VPS35: variants seen among roughly 807,000 people sequenced by gnomAD.
VPS35 encodes the protein VPS35 retromer complex component.
VPS35 carries 21 observed loss-of-function variants against 98.1 expected under a neutral mutation model. The ratio of observed to expected loss-of-function variants is 0.21; its 90% confidence interval spans 0.15 to 0.31. The LOEUF is 0.31. Ranked by LOEUF, VPS35 falls within the 10% of genes least tolerant of loss-of-function variation. The pLI, the probability that VPS35 is intolerant of heterozygous loss-of-function variation, is 1.00. For synonymous variants in VPS35, 268 were observed against 318.2 expected (o/e 0.84, Z 1.68); for missense variants, 554 against 950.8 (o/e 0.58, Z 5.49).
At chr16:46,684,842 T>C (rs1456647917) in intron 1 of VPS35, among the ~76,000 whole-genome samples, 2 of 152,148 alleles carry the variant, frequency 1.3e-5, no homozygotes, top group Admixed American at 6.5e-5. Flanking sequence ...ATACATACAA[T>C]TACAGAATAT....
chr16:46,674,679 C>G lies in VPS35; in HGVS notation c.915-19G>C. The G allele has an allele frequency of 7.1e-7, 1 of 1,417,578 alleles. No homozygotes were observed. Among genetic ancestry groups the G allele is most frequent in the South Asian group, 1.2e-5 (1 of 83,930 alleles). The allele number at this position is 1,417,578 out of a possible 1,614,324, so 87.8% of individuals were successfully genotyped here. A position where few individuals can be genotyped will look rare whatever the true frequency, so the allele number is the denominator to read the frequency against. On this transcript the variant is annotated intron_variant, in intron 8 of 16. Coordinates refer to ENST00000299138, the MANE Select transcript of VPS35 (RefSeq NM_018206.6). ...AGCTAATCTAAAAAAAAAAAAAACA[C>G]CCCTTTATTTTAAAAGATACAGGGT...
At chr16:46,681,760 A>C (rs1966238581) in intron 3 of VPS35, 1 of 548,954 alleles carries the variant, frequency 1.8e-6, no homozygotes, top group South Asian at 2.1e-5. Flanking sequence ...CAAATGATTA[A>C]ATTCCTGTCC....
chr16:46,676,491 A>C lies in VPS35; in HGVS notation c.914+92T>G, dbSNP rs1449165591. The stretch of plus-strand genomic sequence containing the variant: ...TTAAATTAAGATCATTGGTATGATA[A>C]AGATGTAACAGAAACAAATAATTCA... On this transcript the variant is annotated intron_variant, in intron 8 of 16. Coordinates refer to ENST00000299138, the MANE Select transcript of VPS35 (RefSeq NM_018206.6). 1.5e-5 allele frequency: 12 copies of C among 809,250 alleles called. No individual in the cohort carries two copies. In the Admixed American group the frequency reaches 2.0e-4, roughly 13 times the overall value. The allele number at this position is 809,250 out of a possible 1,614,324, so 50.1% of individuals were successfully genotyped here. A position where few individuals can be genotyped will look rare whatever the true frequency, so the allele number is the denominator to read the frequency against.
intron 1 of VPS35, among the ~76,000 whole-genome samples, chr16:46,685,440 T>C (rs1966295943): frequency 1.3e-5 from 2 of 152,200 alleles, no homozygotes; most frequent in South Asian, 4.1e-4. Flanking sequence ...AACTGAATAA[T>C]GAACAACACC....
chr16:46,669,229 A>G, intron 12 of VPS35, 177 bp from the exon 13 acceptor site: 1 of 776,500 alleles, frequency 1.3e-6, no homozygotes, highest in Non-Finnish European at 2.1e-6. Flanking sequence ...CAACCCAGAG[A>G]CAGATACTAT....
chr16:46,666,768 T>G (rs1965996100), intron 13 of VPS35, among the ~76,000 whole-genome samples: 1 of 152,230 alleles, frequency 6.6e-6, no homozygotes, highest in Admixed American at 6.5e-5. Context: ...TAGCTGAGTA[T>G]TATTCTACTA....
Position 46,656,447 on chromosome 16 carries a change from T to C in VPS35, c.*4025A>G, listed in dbSNP as rs1596706005. On this transcript the variant is annotated 3_prime_UTR_variant, in exon 17 of 17. Coordinates refer to ENST00000299138, the MANE Select transcript of VPS35 (RefSeq NM_018206.6). ...GAGGAAATTATGACAGTGAAAGAGA[T>C]CAGACCCAAATGACTCCATCTTGCT... 6.6e-6 allele frequency: 1 copy of C among 152,352 alleles called. No individual in the cohort carries two copies. The highest frequency in any genetic ancestry group is 3.4e-3 in the Middle Eastern group (1 of 294). 9.4% of individuals were successfully genotyped at this position (152,352 alleles called of 1,614,324 possible). A position where few individuals can be genotyped will look rare whatever the true frequency, so the allele number is the denominator to read the frequency against.
chr16:46,683,509 A>G lies in VPS35; in HGVS notation c.101T>C (p.Leu34Pro). 6.2e-7 allele frequency: 1 copy of G among 1,613,238 alleles called. No individual in the cohort carries two copies. Among genetic ancestry groups the G allele is most frequent in the Non-Finnish European group, 8.5e-7 (1 of 1,179,872 alleles). ...TGCCTCCCACATCTCCATTCTTACCAGGCATCTCTTCATTTGGAATGACTG... is the reference window on the plus strand; with the variant it reads ...TGCCTCCCACATCTCCATTCTTACCGGGCATCTCTTCATTTGGAATGACTG... ...KVQSFQMKRC[L>P]DKNKLMDALK... The change falls in exon 2 of 17, where the codon CTG becomes CCG. Residue 34 changes from leucine (L) to proline (P), a missense_variant and splice_region_variant. Coordinates refer to ENST00000299138, the MANE Select transcript of VPS35 (RefSeq NM_018206.6).
chr16:46,678,321 A>C (rs1157811272), intron 6 of VPS35, among the ~76,000 whole-genome samples: 1 of 151,802 alleles, frequency 6.6e-6, no homozygotes, highest in East Asian at 1.9e-4. Context: ...AAAAAAAAAA[A>C]AAAAAAAAAA....
chr16:46,688,659 C>T lies in VPS35; in HGVS notation c.3+472G>A, dbSNP rs1285674916. ...AAAGGCCAAGGAATCACTGCGACCCCTCCAGGAGGGCGTGGGGACGGCCGA... is the reference window on the plus strand; with the variant it reads ...AAAGGCCAAGGAATCACTGCGACCCTTCCAGGAGGGCGTGGGGACGGCCGA... On this transcript the variant is annotated intron_variant, in intron 1 of 16. Coordinates refer to ENST00000299138, the MANE Select transcript of VPS35 (RefSeq NM_018206.6). 3.8e-6 allele frequency: 4 copies of T among 1,055,536 alleles called. No individual in the cohort carries two copies. The African/African-American group carries it at 6.7e-5, about 18-fold the overall frequency. The allele number at this position is 1,055,536 out of a possible 1,614,324, so 65.4% of individuals were successfully genotyped here. A position where few individuals can be genotyped will look rare whatever the true frequency, so the allele number is the denominator to read the frequency against.
At position 46,656,176 on chromosome 16, in the gene VPS35, C is replaced by A. The variant is rs1965842257; in HGVS notation, c.*4296G>T. On this transcript the variant is annotated 3_prime_UTR_variant, in exon 17 of 17. Coordinates refer to ENST00000299138, the MANE Select transcript of VPS35 (RefSeq NM_018206.6). ...TACATTTTACATTTGCAAAACCATA[C>A]TAGAAGATACGGCTCCTTTCCAATG... 6.6e-6 allele frequency: 1 copy of A among 152,104 alleles called. No homozygotes were observed. Among genetic ancestry groups the A allele is most frequent in the Non-Finnish European group, 1.5e-5 (1 of 68,018 alleles). The allele number at this position is 152,104 out of a possible 1,614,324, so 9.4% of individuals were successfully genotyped here.
chr16:46,656,332 T>C lies in VPS35; in HGVS notation c.*4140A>G, dbSNP rs1356378391. On this transcript the variant is annotated 3_prime_UTR_variant, in exon 17 of 17. Coordinates refer to ENST00000299138, the MANE Select transcript of VPS35 (RefSeq NM_018206.6). ...TGGACTTTAGTTTTGGGAGCAGACTTGAATTGCAGAACTGAAGTTACAATT... is the reference window on the plus strand; with the variant it reads ...TGGACTTTAGTTTTGGGAGCAGACTCGAATTGCAGAACTGAAGTTACAATT... 6.6e-6 allele frequency: 1 copy of C among 152,214 alleles called. No individual in the cohort carries two copies. Among genetic ancestry groups the C allele is most frequent in the Non-Finnish European group, 1.5e-5 (1 of 68,032 alleles). The allele number at this position is 152,214 out of a possible 1,614,324, so 9.4% of individuals were successfully genotyped here. A position where few individuals can be genotyped will look rare whatever the true frequency, so the allele number is the denominator to read the frequency against.
intron 6 of VPS35, 21 bp from the exon 7 acceptor site, chr16:46,677,419 A>AT (rs1383029803): frequency 1.9e-6 from 3 of 1,595,630 alleles, no homozygotes; most frequent in Non-Finnish European, 2.6e-6. Context: ...AAAAACACAC[A>AT]TAAGGGTTAA....
chr16:46,661,539 T>C lies in VPS35; in HGVS notation c.2211+179A>G. 1.5e-6 allele frequency: 1 copy of C among 665,246 alleles called. No individual in the cohort carries two copies. 41.2% of individuals were successfully genotyped at this position (665,246 alleles called of 1,614,324 possible). A position where few individuals can be genotyped will look rare whatever the true frequency, so the allele number is the denominator to read the frequency against. On this transcript the variant is annotated intron_variant, in intron 16 of 16. Transcript: ENST00000299138. This position sits in a 1 kb window ranked among gnomAD's most constrained non-coding sequence, Gnocchi z 4.3. Reference sequence around the variant, plus strand: ...GCCACCACGCCCAGCCTAGGAATTATCTTAAACTAGAACATTATGACAAAT... The same window carrying C: ...GCCACCACGCCCAGCCTAGGAATTACCTTAAACTAGAACATTATGACAAAT...
intron 13 of VPS35, 113 bp from the exon 14 acceptor site, chr16:46,663,275 T>C (rs769092181): frequency 1.6e-5 from 16 of 989,668 alleles, no homozygotes; most frequent in Non-Finnish European, 2.4e-5. Flanking sequence ...TTTCCTGTCA[T>C]TTTCCTTCTC....
intron 8 of VPS35, among the ~76,000 whole-genome samples, 162 bp from the exon 9 acceptor site, chr16:46,674,822 G>A (rs1397994045): frequency 2.0e-5 from 3 of 151,746 alleles, no homozygotes; most frequent in Non-Finnish European, 2.9e-5. Flanking sequence ...ACAGAGTCTC[G>A]CTCTGTCGCC....
intron 1 of VPS35, chr16:46,688,359 A>G (rs1966356697): frequency 3.0e-6 from 3 of 986,976 alleles, no homozygotes; most frequent in Admixed American, 6.1e-5. Context: ...AGGAAGTTCA[A>G]GTTTACCGGC....
chr16:46,664,487 C>T (rs1032396173), intron 13 of VPS35, among the ~76,000 whole-genome samples: 1 of 150,906 alleles, frequency 6.6e-6, no homozygotes, highest in African/African-American at 2.4e-5. Context: ...AATCGATTCA[C>T]ACTTCAAGTA....
In VPS35 at chr16:46,663,001, T is replaced by A. The variant is rs142063738; in HGVS notation, c.1809A>T (p.Ala603=). The part of the protein sequence containing the change: ...EIGFENHETV[A]YEFMSQAFSL... ...TCATCACCTGGGACATGAATTCATA[T>A]GCGACTGTCTCATGATTTTCAAAAC... The change falls in exon 14 of 17, where the codon GCA becomes GCT. Residue 603 remains alanine, a synonymous_variant. Transcript: ENST00000299138. The A allele has an allele frequency of 9.3e-6, 15 of 1,614,106 alleles. No homozygotes were observed. Among genetic ancestry groups the A allele is most frequent in the Middle Eastern group, 3.3e-4 (2 of 6,084 alleles).
Sources: allele counts gnomAD v4.1 joint callset (sites outside exome capture counted in the v4.1 genomes callset), GRCh38; gene constraint gnomAD v4.1.1; non-coding constraint Gnocchi (gnomAD v3.1); transcripts MANE v1.5; gene names NCBI Gene and HGNC (gene_info 2026-07-23, HGNC 2026-07-21).